The following SPECC1 variants were observed in gnomAD, a reference collection of about 807,000 sequenced individuals.
The protein encoded by SPECC1 is sperm antigen with calponin homology and coiled-coil domains 1, also known as cytospin-B.
SPECC1 carries 62 observed loss-of-function variants against 104.1 expected under a neutral mutation model. That is an observed-to-expected ratio of 0.60 (90% CI 0.49 to 0.74). SPECC1 has a LOEUF of 0.74. Among genes scored for constraint, SPECC1 ranks in the 30% least tolerant of loss-of-function variants. SPECC1 has a pLI of 0.00. For synonymous variants in SPECC1, 513 were observed against 501.6 expected (o/e 1.02, Z -0.30); for missense variants, 1,306 against 1,310.5 (o/e 1.00, Z 0.05).
chr17:20,096,922 C>A, intron 2 of SPECC1, 124 bp downstream of exon 2: 1 of 1,225,338 alleles, frequency 8.2e-7, no homozygotes, highest in Non-Finnish European at 1.1e-6. Flanking sequence ...AAGGAGGGGT[C>A]GCAGGAGGAC....
chr17:20,196,089 C>T (rs755990219), intron 3 of SPECC1, among the ~76,000 whole-genome samples: 9 of 152,190 alleles, frequency 5.9e-5, no homozygotes, highest in Non-Finnish European at 1.0e-4. Context: ...AAACCTTCCA[C>T]AACTGTTCAA....
intron 14 of SPECC1, among the ~76,000 whole-genome samples, chr17:20,306,687 AAG>A (rs1172769219): frequency 1.3e-5 from 2 of 152,328 alleles, no homozygotes; most frequent in South Asian, 2.1e-4. Flanking sequence ...AGAGAGAGAA[AAG>A]AGAGAGAGTC....
intron 3 of SPECC1, chr17:20,111,902 T>C: frequency 1.3e-6 from 1 of 792,836 alleles, no homozygotes; most frequent in Non-Finnish European, 2.3e-6. Flanking sequence ...TTTATCTGAT[T>C]TGCTTTCTGT....
intron 1 of SPECC1, among the ~76,000 whole-genome samples, chr17:20,059,573 T>A (rs981655104): frequency 6.6e-6 from 1 of 151,686 alleles, no homozygotes; most frequent in African/African-American, 2.4e-5. Context: ...CTTCTTCTAC[T>A]CTATGTAGCA....
chr17:20,123,150 C>T (rs561461878), intron 3 of SPECC1, among the ~76,000 whole-genome samples: 3 of 152,152 alleles, frequency 2.0e-5, no homozygotes, highest in African/African-American at 4.8e-5. Context: ...AGACAGCAGT[C>T]GGCTAGAAGG....
chr17:20,020,861 C>G (rs1007544678), intron 1 of SPECC1, among the ~76,000 whole-genome samples: 1 of 152,100 alleles, frequency 6.6e-6, no homozygotes, highest in Non-Finnish European at 1.5e-5. Flanking sequence ...ACAGTTGACC[C>G]GTGAACAATG....
intron 3 of SPECC1, among the ~76,000 whole-genome samples, chr17:20,162,584 C>T (rs1019963369): frequency 1.3e-5 from 2 of 152,200 alleles, no homozygotes; most frequent in Non-Finnish European, 2.9e-5. Flanking sequence ...ATAGAAAGCA[C>T]CTGATAAGTT....
chr17:20,178,437 GA>G (rs544653246), intron 3 of SPECC1, among the ~76,000 whole-genome samples: 1 of 152,290 alleles, frequency 6.6e-6, no homozygotes, highest in Admixed American at 6.5e-5. Flanking sequence ...ATTTAGCAAA[GA>G]AATAGTGTGA....
chr17:20,231,375 ATCTC>A (rs1434206152), intron 5 of SPECC1, among the ~76,000 whole-genome samples: 2 of 152,242 alleles, frequency 1.3e-5, no homozygotes, highest in Non-Finnish European at 2.9e-5. Context: ...GAAAGCCTCT[ATCTC>A]ACAGCAATAA....
At chr17:20,155,794 G>A (rs973700316) in intron 3 of SPECC1, 2 of 457,252 alleles carry the variant, frequency 4.4e-6, no homozygotes, top group African/African-American at 2.1e-5. Flanking sequence ...CAGCATCCGC[G>A]GGCGGAGGCC....
At chr17:20,240,243 A>G (rs1013414839) in intron 7 of SPECC1, among the ~76,000 whole-genome samples, 2 of 151,366 alleles carry the variant, frequency 1.3e-5, no homozygotes, top group Admixed American at 6.6e-5. Context: ...TTGTATGTTT[A>G]CTAACCACTG....
chr17:20,074,774 A>C (rs76192960), intron 1 of SPECC1, among the ~76,000 whole-genome samples: 3 of 152,328 alleles, frequency 2.0e-5, no homozygotes, highest in East Asian at 3.9e-4. Context: ...GCCTGTCTAA[A>C]CAGAGGAGCC....
intron 3 of SPECC1, among the ~76,000 whole-genome samples, chr17:20,179,466 G>A (rs1235701277): frequency 9.2e-5 from 14 of 152,372 alleles, no homozygotes; most frequent in East Asian, 7.7e-4. Flanking sequence ...CTGCAAGGGG[G>A]CACTGAGAAG....
intron 3 of SPECC1, among the ~76,000 whole-genome samples, chr17:20,147,934 AGG>A (rs1005110561): frequency 2.8e-4 from 42 of 152,148 alleles, no homozygotes; most frequent in African/African-American, 9.6e-4. Context: ...GCTACTTGGG[AGG>A]GAGGCTGAGG....
intron 7 of SPECC1, chr17:20,236,850 A>G (rs774158870): frequency 1.2e-6 from 2 of 1,613,578 alleles, no homozygotes; most frequent in Middle Eastern, 1.7e-4. Context: ...TCCCGTTTCT[A>G]TTTTCACAGC....
intron 12 of SPECC1, among the ~76,000 whole-genome samples, chr17:20,283,527 C>T (rs1268761794): frequency 6.6e-6 from 1 of 152,176 alleles, no homozygotes; most frequent in African/African-American, 2.4e-5. Context: ...ACATTTCAGA[C>T]TATTTGTATT....
intron 3 of SPECC1, among the ~76,000 whole-genome samples, chr17:20,188,800 G>A (rs985826797): frequency 2.6e-5 from 4 of 152,050 alleles, no homozygotes; most frequent in Admixed American, 6.5e-5. Context: ...GGATACGGAC[G>A]ATTCCTTAAA....
chr17:20,236,655 CTT>C (rs34779112), intron 7 of SPECC1, among the ~76,000 whole-genome samples: 9 of 126,024 alleles, frequency 7.1e-5, no homozygotes, highest in Admixed American at 8.0e-5. Context: ...TGCAGTCTGG[CTT>C]TTTTTTTTTT....
intron 1 of SPECC1, among the ~76,000 whole-genome samples, chr17:20,044,723 T>C (rs1179026948): frequency 6.6e-6 from 1 of 152,112 alleles, no homozygotes; most frequent in Non-Finnish European, 1.5e-5. Context: ...AATGAAAGGG[T>C]AGTTTCAGGC....
Sources: gnomAD v4.1 joint callset for allele counts (sites outside exome capture counted in the v4.1 genomes callset) on GRCh38, gnomAD v4.1.1 for gene constraint, MANE v1.5 for transcripts, NCBI Gene and HGNC (gene_info 2026-07-23, HGNC 2026-07-21) for gene names.